The following DFFA variants were observed in gnomAD, a reference collection of about 807,000 sequenced individuals.
The protein encoded by DFFA is DFF45.
In DFFA, 14 loss-of-function variants were observed where a neutral mutation model predicts 28.0. That is an observed-to-expected ratio of 0.50 (90% CI 0.33 to 0.78). The LOEUF is 0.78. DFFA is among the 30% of genes least tolerant of loss of function. The pLI is 0.02. For synonymous variants in DFFA, 158 were observed against 170.3 expected (o/e 0.93, Z 0.56); for missense variants, 395 against 407.1 (o/e 0.97, Z 0.26).
intron 1 of DFFA, among the ~76,000 whole-genome samples, chr1:10,470,177 G>C (rs1389604265): frequency 1.3e-5 from 2 of 152,048 alleles, no homozygotes; most frequent in Non-Finnish European, 2.9e-5. Flanking sequence ...ACTTTTATTA[G>C]TTCTGTTTTA....
rs1640966107 is a variant in DFFA, at chr1:10,462,797, T to A, written c.783+261A>T. The A allele has an allele frequency of 4.5e-6, 6 of 1,328,090 alleles. No homozygotes were observed. The South Asian group carries it at 1.1e-4, about 24-fold the overall frequency. The allele number at this position is 1,328,090 out of a possible 1,614,324, so 82.3% of individuals were successfully genotyped here. ...AAGATTGGGCCCTGCTATTCCTCCC[T>A]GTCAGGAACAGTCATTTCATTACCA... On this transcript the variant is annotated intron_variant, in intron 5 of 5. Coordinates refer to ENST00000377038, the MANE Select transcript of DFFA (RefSeq NM_004401.3).
At chr1:10,468,054 C>T (rs965440842) in intron 2 of DFFA, among the ~76,000 whole-genome samples, 2 of 152,076 alleles carry the variant, frequency 1.3e-5, no homozygotes, top group Non-Finnish European at 2.9e-5. Context: ...GTCCCTTAGG[C>T]CTGAGCACAA....
At position 10,457,418 on chromosome 1, in the gene DFFA, C is replaced by G. The variant is rs1247638935; in HGVS notation, c.*4072G>C. 6.6e-6 allele frequency: 1 copy of G among 152,362 alleles called. No individual in the cohort carries two copies. The highest frequency in any genetic ancestry group is 2.4e-5 in the African/African-American group (1 of 41,540). The allele number at this position is 152,362 out of a possible 1,614,324, so 9.4% of individuals were successfully genotyped here. On this transcript the variant is annotated 3_prime_UTR_variant, in exon 6 of 6. Coordinates refer to ENST00000377038, the MANE Select transcript of DFFA (RefSeq NM_004401.3). The stretch of plus-strand genomic sequence containing the variant: ...CAGGCGTGGTGGCTCACCACCTATA[C>G]TCCCAGCACTTTGGGAGGCCAAGGC...
At position 10,461,435 on chromosome 1, in the gene DFFA, G is replaced by A; in HGVS notation, c.*55C>T. On this transcript the variant is annotated 3_prime_UTR_variant, in exon 6 of 6. Coordinates refer to ENST00000377038, the MANE Select transcript of DFFA (RefSeq NM_004401.3). ...AGGTAGTCAAATGATGAGGCTGAGG[G>A]TGTCTACCAATAACACAACGCCACA... The A allele has an allele frequency of 6.4e-7, 1 of 1,564,088 alleles. No individual in the cohort carries two copies. Among genetic ancestry groups the A allele is most frequent in the Non-Finnish European group, 8.7e-7 (1 of 1,152,524 alleles).
Position 10,463,447 on chromosome 1 carries a change from G to A in DFFA, c.615C>T (p.Leu205=), listed in dbSNP as rs765334322. The change falls in exon 4 of 6, where the codon CTC becomes CTT. Residue 205 remains leucine, a synonymous_variant. Transcript: ENST00000377038. The part of the protein sequence containing the change: ...YLQALEKEGS[L]LSKQEESKAA... ...GAGTCCTACCTTCCTGCTTTGACAA[G>A]AGGCTGCCCTCTTTCTCCAAAGCCT... 162 of 1,612,992 alleles carry A rather than the reference G, an allele frequency of 1.0e-4. 2 individuals carry two copies. The South Asian group carries it at 1.7e-3, about 17-fold the overall frequency.
chr1:10,469,681 C>T (rs141276310), intron 1 of DFFA, among the ~76,000 whole-genome samples: 1,861 of 152,098 alleles, frequency 0.012, 37 homozygotes, highest in African/African-American at 0.04. Flanking sequence ...CCACCATGTC[C>T]GGCTAATTTT....
At chr1:10,464,037 CA>C (rs1389695756) in intron 3 of DFFA, among the ~76,000 whole-genome samples, 1 of 151,954 alleles carries the variant, frequency 6.6e-6, no homozygotes, top group Non-Finnish European at 1.5e-5. Flanking sequence ...ATCCATTTCC[CA>C]AAGTTACCTA....
chr1:10,465,005 A>G (rs1641002380), intron 3 of DFFA, among the ~76,000 whole-genome samples: 1 of 151,962 alleles, frequency 6.6e-6, no homozygotes. Context: ...TAATCCCAGC[A>G]CTTTGGGAGG....
intron 5 of DFFA, 200 bp downstream of exon 5, chr1:10,462,858 G>C: frequency 1.4e-6 from 2 of 1,414,192 alleles, no homozygotes; most frequent in South Asian, 1.6e-5. Flanking sequence ...ATCTGAGGAA[G>C]TGTATGCATT....
chr1:10,457,491 G>T lies in DFFA; in HGVS notation c.*3999C>A, dbSNP rs193229973. On this transcript the variant is annotated 3_prime_UTR_variant, in exon 6 of 6. Transcript: ENST00000377038. ...AGTTTGAGACCAGTCTAGCCAACAT[G>T]GTGAAACCCTGTGTCTACTAAAAAT... The T allele has an allele frequency of 6.6e-6, 1 of 152,162 alleles. No individual in the cohort carries two copies. The highest frequency in any genetic ancestry group is 2.1e-4 in the South Asian group (1 of 4,822). The allele number at this position is 152,162 out of a possible 1,614,324, so 9.4% of individuals were successfully genotyped here.
At chr1:10,462,947 G>C in intron 5 of DFFA, 111 bp downstream of exon 5, 1 of 1,529,446 alleles carries the variant, frequency 6.5e-7, no homozygotes, top group Non-Finnish European at 8.8e-7. Flanking sequence ...CTGGCAGCTA[G>C]GATTCACAGT....
chr1:10,463,988 G>A (rs979791240), intron 3 of DFFA, among the ~76,000 whole-genome samples: 4 of 151,638 alleles, frequency 2.6e-5, no homozygotes, highest in Non-Finnish European at 5.9e-5. Context: ...TAAACACGGT[G>A]TTCTACCTCT....
chr1:10,469,353 A>G lies in DFFA; in HGVS notation c.137-15T>C. ...AATGTCACAGGCTGAAAAGAATAAAATATTTGGCAAATGACAAATAACCGT... is the reference window on the plus strand; with the variant it reads ...AATGTCACAGGCTGAAAAGAATAAAGTATTTGGCAAATGACAAATAACCGT... On this transcript the variant is annotated splice_polypyrimidine_tract_variant and intron_variant, in intron 1 of 5. Transcript: ENST00000377038. 8 of 1,612,088 alleles carry G rather than the reference A, an allele frequency of 5.0e-6. No homozygotes were observed. Among genetic ancestry groups the G allele is most frequent in the African/African-American group, 1.3e-5 (1 of 74,968 alleles).
rs1299285095 is a variant in DFFA, at chr1:10,461,355, G to A, written c.*135C>T. 6.4e-6 allele frequency: 9 copies of A among 1,416,036 alleles called. No individual in the cohort carries two copies. The highest frequency in any genetic ancestry group is 8.4e-6 in the Non-Finnish European group (9 of 1,076,836). 87.7% of individuals were successfully genotyped at this position (1,416,036 alleles called of 1,614,324 possible). On this transcript the variant is annotated 3_prime_UTR_variant, in exon 6 of 6. Coordinates refer to ENST00000377038, the MANE Select transcript of DFFA (RefSeq NM_004401.3). Reference sequence around the variant, plus strand: ...AAATTGGTGGAACGGCGTATGTTGAGACCTGGAATAGCTTCTCTGGAAGGT... The same window carrying A: ...AAATTGGTGGAACGGCGTATGTTGAAACCTGGAATAGCTTCTCTGGAAGGT...
In DFFA at chr1:10,462,464, G is replaced by A. The variant is rs1449872731; in HGVS notation, c.783+594C>T. On this transcript the variant is annotated intron_variant, in intron 5 of 5. Transcript: ENST00000377038. The stretch of plus-strand genomic sequence containing the variant: ...GGGCCTTTTCTTACAACACCAACAG[G>A]AAGAAGTCCTTGGAAAGTTTACTTG... The A allele has an allele frequency of 3.0e-6, 3 of 987,850 alleles. No homozygotes were observed. In the East Asian group the frequency reaches 3.4e-4, roughly 111 times the overall value. The allele number at this position is 987,850 out of a possible 1,614,324, so 61.2% of individuals were successfully genotyped here. A position where few individuals can be genotyped will look rare whatever the true frequency, so the allele number is the denominator to read the frequency against.
chr1:10,464,776 C>T (rs138357125), intron 3 of DFFA, among the ~76,000 whole-genome samples: 156 of 152,278 alleles, frequency 1.0e-3, no homozygotes, highest in African/African-American at 3.3e-3. Context: ...GGCCTTCCTC[C>T]GTGTTCCAGT....
chr1:10,468,067 G>T (rs757121658), intron 2 of DFFA, among the ~76,000 whole-genome samples: 1 of 152,074 alleles, frequency 6.6e-6, no homozygotes, highest in Non-Finnish European at 1.5e-5. Flanking sequence ...GAGCACAAAG[G>T]TGGCTGGTAG....
chr1:10,462,899 TG>T, intron 5 of DFFA, 158 bp downstream of exon 5: 1 of 1,441,120 alleles, frequency 6.9e-7, no homozygotes, highest in Non-Finnish European at 9.1e-7. Context: ...TTTAGATTAA[TG>T]AGATTTTTGC....
rs78256349 is a variant in DFFA at position 10,461,586 on chromosome 1, C to T, written c.900G>A (p.Thr300=). 1,394 of 1,614,232 alleles carry T rather than the reference C, an allele frequency of 8.6e-4. 11 individuals are homozygous for T. The African/African-American group carries it at 0.012, about 14-fold the overall frequency. The change falls in exon 6 of 6, where the codon ACG becomes ACA. Residue 300 remains threonine (T), a synonymous_variant. Coordinates refer to ENST00000377038, the MANE Select transcript of DFFA (RefSeq NM_004401.3). ...TGCTCCGGAGAGAATGCAAGCTCTG[C>T]GTCTGCTGCAGGCGCAGGGCGAGCT... ...ERELALRLQQ[T]QSLHSLRSIS...
Sources: allele counts gnomAD v4.1 joint callset (sites outside exome capture counted in the v4.1 genomes callset), GRCh38; gene constraint gnomAD v4.1.1; transcripts MANE v1.5; gene names NCBI Gene and HGNC (gene_info 2026-07-23, HGNC 2026-07-21).